The following SLC17A5 variants were observed in gnomAD, a reference collection of about 807,000 sequenced individuals.
SLC17A5 encodes solute carrier family 17 member 5.
SLC17A5 carries 47 observed loss-of-function variants against 59.4 expected under a neutral mutation model. The observed-to-expected ratio is 0.79, with a 90% CI of 0.63 to 1.01. The LOEUF is 1.01. Among genes scored for constraint, SLC17A5 ranks in the 50% least tolerant of loss-of-function variants. SLC17A5 has a pLI of 0.00. For synonymous variants in SLC17A5, 202 were observed against 210.7 expected, an observed-to-expected ratio of 0.96 and a Z score of 0.36; for missense variants, 522 against 595.5, an observed-to-expected ratio of 0.88 and a Z score of 1.28.
intron 10 of SLC17A5, among the ~76,000 whole-genome samples, chr6:73,599,237 G>A (rs1458525586): frequency 2.6e-5 from 4 of 151,294 alleles, no homozygotes; most frequent in Admixed American, 2.6e-4. Flanking sequence ...TTTGAGACAG[G>A]GTCTCCCGCT....
At chr6:73,596,731 C>T (rs1023862409) in intron 10 of SLC17A5, among the ~76,000 whole-genome samples, 9 of 152,080 alleles carry the variant, frequency 5.9e-5, no homozygotes, top group African/African-American at 2.2e-4. Context: ...TGGCTGGTGC[C>T]TGTAGTCCCA....
chr6:73,611,289 C>CT (rs971291308), intron 8 of SLC17A5, among the ~76,000 whole-genome samples: 30 of 151,764 alleles, frequency 2.0e-4, no homozygotes, highest in African/African-American at 5.3e-4. Flanking sequence ...TTCTCTCTCT[C>CT]TTTTTTTTGA....
chr6:73,642,332 A>T (rs770524311), intron 2 of SLC17A5, among the ~76,000 whole-genome samples: 6 of 152,098 alleles, frequency 3.9e-5, no homozygotes, highest in Admixed American at 2.6e-4. Flanking sequence ...CTTAATCCAG[A>T]AAGCTATTAA....
Position 73,613,653 on chromosome 6 carries a change from C to T in SLC17A5, c.1111+1662G>A, listed in dbSNP as rs555264860. Reference sequence around the variant, plus strand: ...CTAGGATTACAGGCATAAGCCACTGCGCCCAGTGAATATTATAAATCTTAA... The same window carrying T: ...CTAGGATTACAGGCATAAGCCACTGTGCCCAGTGAATATTATAAATCTTAA... On this transcript the variant is annotated intron_variant, in intron 8 of 10. Transcript: ENST00000355773. 7.9e-5 allele frequency among the ~76,000 whole-genome samples: 12 copies of T among 152,194 alleles called. No individual in the cohort carries two copies. The East Asian group carries it at 2.1e-3, about 27-fold the overall frequency.
intron 9 of SLC17A5, among the ~76,000 whole-genome samples, chr6:73,610,090 A>G (rs1043393266): frequency 1.3e-4 from 19 of 151,944 alleles, no homozygotes; most frequent in African/African-American, 3.9e-4. Context: ...CTGAAGTGCA[A>G]TGATGCGATC....
At position 73,644,528 on chromosome 6, in the gene SLC17A5, C is replaced by G; in HGVS notation, c.170G>C (p.Arg57Pro). 1.2e-6 allele frequency: 2 copies of G among 1,613,924 alleles called. No homozygotes were observed. The highest frequency in any genetic ancestry group is 1.1e-5 in the South Asian group (1 of 91,074). The change falls in exon 2 of 11, where the codon CGT (arginine) becomes CCT (proline). Residue 57 changes from arginine (R) to proline (P), a missense_variant. Physicochemically the swap from Arg to Pro is moderately radical, Grantham distance 103. Coordinates refer to ENST00000355773, the MANE Select transcript of SLC17A5 (RefSeq NM_012434.5). ...CACTAACGCAACACTCAGATTCACA[C>G]GTAATGCATACACAATGAAGAAACC... Reference protein sequence around the residue: ...FFGFFIVYALRVNLSVALVDM... With the variant: ...FFGFFIVYALPVNLSVALVDM...
chr6:73,620,328 G>C (rs1768082429), intron 7 of SLC17A5, among the ~76,000 whole-genome samples: 1 of 145,772 alleles, frequency 6.9e-6, no homozygotes. Flanking sequence ...CACTGTAGTA[G>C]TATATTATTT....
At chr6:73,616,031 G>A (rs559821020) in intron 7 of SLC17A5, among the ~76,000 whole-genome samples, 1 of 151,928 alleles carries the variant, frequency 6.6e-6, no homozygotes, top group South Asian at 2.1e-4. Context: ...GGTTACAGGT[G>A]CCTGCTACCA....
At chr6:73,606,798 A>G (rs1767409988) in intron 9 of SLC17A5, among the ~76,000 whole-genome samples, 1 of 152,254 alleles carries the variant, frequency 6.6e-6, no homozygotes, top group African/African-American at 2.4e-5. Flanking sequence ...ATGCTATTAC[A>G]CTGAAATTTA....
chr6:73,643,187 A>G (rs1769368464), intron 2 of SLC17A5, among the ~76,000 whole-genome samples: 1 of 151,580 alleles, frequency 6.6e-6, no homozygotes, highest in Non-Finnish European at 1.5e-5. Context: ...TTTGAGACGG[A>G]ATCTCGCTGT....
rs781359811 is a variant in SLC17A5 at position 73,636,675 on chromosome 6, G to C, written c.646C>G (p.Leu216Val). The change falls in exon 5 of 11, where the codon CTT becomes GTT. Residue 216 changes from leucine (L) to valine (V), a missense_variant. This residue lies in a region of SLC17A5 where 338 missense variants were observed against 363.8 expected (regional missense o/e 0.93). Coordinates refer to ENST00000355773, the MANE Select transcript of SLC17A5 (RefSeq NM_012434.5). ...ATATAGTAGCAAATTATTCCAGAAA[G>C]AGGAAGAGAAATTACTGTCCCAAGC... Reference protein sequence around the residue: ...AQLGTVISLPLSGIICYYMNW... With the variant: ...AQLGTVISLPVSGIICYYMNW... 9 of 1,612,008 alleles carry C rather than the reference G, an allele frequency of 5.6e-6. No individual in the cohort carries two copies. In the Admixed American group the frequency reaches 1.5e-4, roughly 27 times the overall value.
At chr6:73,610,939 G>A (rs1041447356) in intron 8 of SLC17A5, among the ~76,000 whole-genome samples, 2 of 152,160 alleles carry the variant, frequency 1.3e-5, no homozygotes, top group Non-Finnish European at 2.9e-5. Context: ...TGTTGGATGA[G>A]GTTAGAATAA....
At chr6:73,636,745 G>GAGAGAAAC (rs1769024398) in intron 4 of SLC17A5, 38 bp from the exon 5 acceptor site, 2 of 1,457,184 alleles carry the variant, frequency 1.4e-6, no homozygotes, top group African/African-American at 2.8e-5. Context: ...AAACTTTGGA[G>GAGAGAAAC]AGAGAAACAA....
intron 6 of SLC17A5, among the ~76,000 whole-genome samples, chr6:73,633,031 G>A (rs1768829534): frequency 6.6e-6 from 1 of 152,130 alleles, no homozygotes; most frequent in African/African-American, 2.4e-5. Flanking sequence ...CTGTTGCCCA[G>A]GTTGGAGTGC....
rs769844281 is a variant in SLC17A5 at position 73,615,334 on chromosome 6, G to A, written c.1092C>T (p.Arg364=). Residue 364 remains arginine (R), a synonymous_variant, in exon 8 of 11, where the codon CGC becomes CGT. Coordinates refer to ENST00000355773, the MANE Select transcript of SLC17A5 (RefSeq NM_012434.5). ...ACTTACCTATAAGGCTAAAAATTCT[G>A]CGAACACATAAAGTTGAAAAATTCC... is the stretch of plus-strand genomic sequence containing the variant. The part of the protein sequence containing the change: ...AKWNFSTLCV[R]RIFSLIGMIG... 1 of 1,613,972 alleles carries A rather than the reference G, an allele frequency of 6.2e-7. No individual in the cohort carries two copies. Among genetic ancestry groups the A allele is most frequent in the Non-Finnish European group, 8.5e-7 (1 of 1,180,016 alleles).
rs188524929 is a variant in SLC17A5 at position 73,628,187 on chromosome 6, C to T, written c.820-6225G>A. Reference sequence around the variant, plus strand: ...TTCCACCTAGGCCTCCCAAAGTGATCGGATTACAGGCATAAGTCACTGCAC... The same window carrying T: ...TTCCACCTAGGCCTCCCAAAGTGATTGGATTACAGGCATAAGTCACTGCAC... On this transcript the variant is annotated intron_variant, in intron 6 of 10. Coordinates refer to ENST00000355773, the MANE Select transcript of SLC17A5 (RefSeq NM_012434.5). Among the ~76,000 whole-genome samples the T allele has an allele frequency of 3.6e-3, 553 of 152,200 alleles. 1 individual carries two copies. The highest frequency in any genetic ancestry group is 5.2e-3 in the Non-Finnish European group (356 of 68,016).
chr6:73,595,657 G>C (rs1301719826), intron 10 of SLC17A5, among the ~76,000 whole-genome samples: 6 of 152,068 alleles, frequency 3.9e-5, no homozygotes, highest in Non-Finnish European at 5.9e-5. Context: ...TTACACAGAT[G>C]TATTAACTTT....
At chr6:73,602,730 G>A (rs1767205039) in intron 9 of SLC17A5, among the ~76,000 whole-genome samples, 1 of 147,944 alleles carries the variant, frequency 6.8e-6, no homozygotes, top group East Asian at 2.0e-4. Flanking sequence ...AGCAGAGATC[G>A]CGCCACTGCA....
chr6:73,650,457 G>C (rs542927726), intron 1 of SLC17A5, among the ~76,000 whole-genome samples: 52 of 138,670 alleles, frequency 3.7e-4, no homozygotes, highest in African/African-American at 1.3e-3. Flanking sequence ...GCAGTGAGCC[G>C]AGATAGCGCG....
Sources: allele counts gnomAD v4.1 joint callset (sites outside exome capture counted in the v4.1 genomes callset), GRCh38; gene constraint gnomAD v4.1.1; regional missense constraint gnomAD v4.1.1; transcripts MANE v1.5; gene names NCBI Gene and HGNC (gene_info 2026-07-23, HGNC 2026-07-21).